The following SPRTN variants were observed in gnomAD, a reference collection of about 807,000 sequenced individuals.
SPRTN encodes SprT-like N-terminal domain.
Under a neutral mutation model 31.9 loss-of-function variants are expected in SPRTN, and 11 were observed. The ratio of observed to expected loss-of-function variants is 0.34; its 90% CI spans 0.22 to 0.57. SPRTN has a LOEUF of 0.57. Among genes scored for constraint, SPRTN ranks in the 20% least tolerant of loss-of-function variants. The probability of loss-of-function intolerance (pLI) is 0.86; values close to 1 mark genes in which losing one functional copy is unlikely to be tolerated. For missense variants in SPRTN, 482 were observed against 590.1 expected, an observed-to-expected ratio of 0.82 and a Z score of 1.90; for synonymous variants, 185 against 212.1, an observed-to-expected ratio of 0.87 and a Z score of 1.11.
intron 1 of SPRTN, 93 bp downstream of exon 1, chr1:231,338,697 G>A: frequency 2.8e-6 from 4 of 1,451,464 alleles, no homozygotes; most frequent in Non-Finnish European, 3.8e-6. Flanking sequence ...TAGTCCGACG[G>A]TCCCAGGGGG....
intron 2 of SPRTN, among the ~76,000 whole-genome samples, chr1:231,342,269 T>C (rs1686917519): frequency 6.6e-6 from 1 of 152,122 alleles, no homozygotes; most frequent in Admixed American, 6.5e-5. Flanking sequence ...AAAAATGTTT[T>C]TAAGTAGTGG....
chr1:231,351,580 G>GT lies in SPRTN; in HGVS notation c.718+10dup, dbSNP rs1327855888. ...GGCCGCAGAGAATAAAGGTACCTTC[G>GT]TGTATATTCTTCTGATTTTTATGTG... On this transcript the variant is annotated intron_variant, in intron 4 of 4. Coordinates refer to ENST00000295050, the MANE Select transcript of SPRTN (RefSeq NM_032018.7). 6.2e-7 allele frequency: 1 copy of GT among 1,612,572 alleles called. No individual in the cohort carries two copies. Among genetic ancestry groups the GT allele is most frequent in the African/African-American group, 1.3e-5 (1 of 74,714 alleles).
At position 231,352,953 on chromosome 1, in the gene SPRTN, A is replaced by G. The variant is rs547668557; in HGVS notation, c.1062A>G (p.Val354=). 6.2e-7 allele frequency: 1 copy of G among 1,614,156 alleles called. No individual in the cohort carries two copies. The highest frequency in any genetic ancestry group is 1.1e-5 in the South Asian group (1 of 91,084). Reference sequence around the variant, plus strand: ...TGAATGGATCTCCAAGGATAAGTGTAACAGTTGGCAACATCCCTAAAAACT... The same window carrying G: ...TGAATGGATCTCCAAGGATAAGTGTGACAGTTGGCAACATCCCTAAAAACT... ...RGVNGSPRIS[V]TVGNIPKNSV... The change falls in exon 5 of 5, where the codon GTA becomes GTG. Residue 354 remains valine (V), a synonymous_variant. Transcript: ENST00000295050.
chr1:231,340,786 G>A (rs910467251), intron 2 of SPRTN, among the ~76,000 whole-genome samples: 2 of 137,428 alleles, frequency 1.5e-5, no homozygotes, highest in Admixed American at 1.5e-4. Context: ...CAACAAGAGC[G>A]AAACTCTGTC....
At chr1:231,338,753 C>T in intron 1 of SPRTN, 149 bp downstream of exon 1, 1 of 835,330 alleles carries the variant, frequency 1.2e-6, no homozygotes, top group East Asian at 2.6e-5. Context: ...ATTCCTGCCT[C>T]GGCGTGTTTC....
intron 4 of SPRTN, chr1:231,352,357 G>T: frequency 8.6e-7 from 1 of 1,163,942 alleles, no homozygotes; most frequent in Non-Finnish European, 1.1e-6. Context: ...TTGCCTTGTT[G>T]TTGGTCTTTG....
chr1:231,345,011 A>T (rs1177531009), intron 2 of SPRTN, among the ~76,000 whole-genome samples: 1 of 152,046 alleles, frequency 6.6e-6, no homozygotes, highest in Non-Finnish European at 1.5e-5. Flanking sequence ...TGTTTTGCAA[A>T]TATTTCTATT....
At position 231,351,208 on chromosome 1, in the gene SPRTN, A is replaced by T. The variant is rs891600943; in HGVS notation, c.451-96A>T. 2,266 of 232,444 alleles carry T rather than the reference A, an allele frequency of 9.7e-3. 45 individuals carry two copies. The highest frequency in any genetic ancestry group is 0.063 in the African/African-American group (2,103 of 33,466). The allele number at this position is 232,444 out of a possible 1,614,324, so 14.4% of individuals were successfully genotyped here. On this transcript the variant is annotated intron_variant, in intron 3 of 4. Transcript: ENST00000295050. ...GCTCTGGGAAAGTTTCAAAAATTAA[A>T]AAAAAAAAAAAAAAAAAAAAAGACT...
Position 231,347,871 on chromosome 1 carries a change from A to C in SPRTN, c.396A>C (p.Pro132=), listed in dbSNP as rs1021233074. 2.6e-5 allele frequency: 42 copies of C among 1,613,960 alleles called. No homozygotes were observed. The highest frequency in any genetic ancestry group is 3.4e-5 in the Non-Finnish European group (40 of 1,180,042). ...NNDKDREGHG[P]EFCKHMHRIN... ...ACAAAGACCGAGAAGGGCATGGTCC[A>C]GAATTTTGTAAACATATGCATCGCA... Residue 132 remains proline (P), a synonymous_variant, in exon 3 of 5, where the codon CCA becomes CCC. Transcript: ENST00000295050.
intron 3 of SPRTN, among the ~76,000 whole-genome samples, chr1:231,349,450 A>G (rs1349948047): frequency 6.6e-6 from 1 of 152,220 alleles, no homozygotes; most frequent in Non-Finnish European, 1.5e-5. Flanking sequence ...AAATACATTA[A>G]GTTTCTTAAC....
In SPRTN at chr1:231,353,985, A is replaced by G. The variant is rs1288471408; in HGVS notation, c.*624A>G. On this transcript the variant is annotated 3_prime_UTR_variant, in exon 5 of 5. Coordinates refer to ENST00000295050, the MANE Select transcript of SPRTN (RefSeq NM_032018.7). ...GTTAAAGAATATGGAATATAGTAAA[A>G]TAAGTAAATTTCTTTTGGAATATTT... is the stretch of plus-strand genomic sequence containing the variant. 3.2e-6 allele frequency: 3 copies of G among 933,502 alleles called. No homozygotes were observed. The highest frequency in any genetic ancestry group is 6.2e-5 in the Admixed American group (1 of 16,194). 57.8% of individuals were successfully genotyped at this position (933,502 alleles called of 1,614,324 possible).
At chr1:231,345,102 C>CT (rs1425986270) in intron 2 of SPRTN, among the ~76,000 whole-genome samples, 1 of 151,704 alleles carries the variant, frequency 6.6e-6, no homozygotes, top group African/African-American at 2.4e-5. Context: ...TTGTCTTTTT[C>CT]TTTTTCTTTT....
At chr1:231,339,899 C>G (rs1316434490) in intron 2 of SPRTN, 31 bp downstream of exon 2, 2 of 1,590,402 alleles carry the variant, frequency 1.3e-6, no homozygotes, top group Non-Finnish European at 1.7e-6. Context: ...CTTCCTAGCG[C>G]AGTAATTTAC....
intron 3 of SPRTN, among the ~76,000 whole-genome samples, chr1:231,349,903 T>C (rs566565856): frequency 6.6e-6 from 1 of 152,088 alleles, no homozygotes; most frequent in African/African-American, 2.4e-5. Flanking sequence ...TCGCGGCTAC[T>C]CGAGAGGCAG....
intron 2 of SPRTN, among the ~76,000 whole-genome samples, chr1:231,342,827 C>T (rs1439094642): frequency 6.6e-6 from 1 of 151,968 alleles, no homozygotes; most frequent in African/African-American, 2.4e-5. Flanking sequence ...CTCCGCCTCC[C>T]GGGTTCAGGC....
intron 2 of SPRTN, among the ~76,000 whole-genome samples, chr1:231,345,103 TTTTTCTTTTC>T (rs562926501): frequency 4.6e-5 from 7 of 152,084 alleles, no homozygotes; most frequent in Admixed American, 1.3e-4. Context: ...TGTCTTTTTC[TTTTTCTTTTC>T]TTTTCTTTTC....
At chr1:231,341,637 A>G (rs1263408535) in intron 2 of SPRTN, among the ~76,000 whole-genome samples, 1 of 152,234 alleles carries the variant, frequency 6.6e-6, no homozygotes, top group African/African-American at 2.4e-5. Context: ...TAATCTCTCC[A>G]AAAGTAATAA....
intron 2 of SPRTN, chr1:231,344,658 T>C (rs1262735631): frequency 3.5e-6 from 1 of 286,554 alleles, no homozygotes; most frequent in Non-Finnish European, 7.8e-6. Context: ...TTAATGACAG[T>C]CTAGTTCTTC....
chr1:231,353,605 A>G lies in SPRTN; in HGVS notation c.*244A>G, dbSNP rs1687308116. ...AACCCAGGTTCTGCCTGTCGTGTAT[A>G]AGTTTTAGATACTTTTGTTCTTTCT... On this transcript the variant is annotated 3_prime_UTR_variant, in exon 5 of 5. Transcript: ENST00000295050. The G allele has an allele frequency of 5.1e-6, 6 of 1,179,370 alleles. No individual in the cohort carries two copies. The highest frequency in any genetic ancestry group is 4.2e-6 in the Non-Finnish European group (4 of 953,284). 73.1% of individuals were successfully genotyped at this position (1,179,370 alleles called of 1,614,324 possible).
Sources: allele counts gnomAD v4.1 joint callset (sites outside exome capture counted in the v4.1 genomes callset), GRCh38; gene constraint gnomAD v4.1.1; transcripts MANE v1.5; gene names NCBI Gene and HGNC (gene_info 2026-07-23, HGNC 2026-07-21).